IFI44L: variants seen among roughly 807,000 people sequenced by gnomAD.
IFI44L encodes interferon induced protein 44 like, also known as interferon-induced protein 44-like.
Under a neutral mutation model 39.3 loss-of-function variants are expected in IFI44L, and 40 were observed. That is an observed-to-expected ratio of 1.02 (90% confidence interval 0.79 to 1.33). IFI44L has a LOEUF of 1.33. Ranked by LOEUF, IFI44L falls within the 40% of genes most tolerant of loss-of-function variation. The probability of loss-of-function intolerance (pLI) is 0.00; values close to 1 mark genes in which losing one functional copy is unlikely to be tolerated. For synonymous variants in IFI44L, 198 were observed against 182.3 expected (o/e 1.09, Z -0.69); for missense variants, 623 against 549.0 (o/e 1.13, Z -1.35).
At chr1:78,631,123 C>T (rs1033076776) in intron 4 of IFI44L, among the ~76,000 whole-genome samples, 45 of 152,150 alleles carry the variant, frequency 3.0e-4, no homozygotes, top group Admixed American at 2.0e-4. Context: ...AGATACTGAA[C>T]TCCAATGAAA....
intron 5 of IFI44L, chr1:78,635,695 G>T: frequency 1.8e-6 from 1 of 562,728 alleles, no homozygotes; most frequent in Admixed American, 3.6e-5. Context: ...AAAGCCAAAA[G>T]GCAGGATTCT....
chr1:78,634,896 T>C (rs759829323), intron 4 of IFI44L, among the ~76,000 whole-genome samples: 3 of 151,664 alleles, frequency 2.0e-5, no homozygotes, highest in Non-Finnish European at 4.4e-5. Flanking sequence ...TACAAATATG[T>C]TTATTTTTTG....
chr1:78,621,010 G>A (rs1223211651), intron 1 of IFI44L: 4 of 152,168 alleles, frequency 2.6e-5, no homozygotes, highest in African/African-American at 9.7e-5. Context: ...CTAGCTGTGT[G>A]TGAAGAAAAA....
At chr1:78,623,314 T>C (rs1421985143) in intron 1 of IFI44L, among the ~76,000 whole-genome samples, 1 of 151,938 alleles carries the variant, frequency 6.6e-6, no homozygotes, top group Non-Finnish European at 1.5e-5. Context: ...CACTGCTGAA[T>C]ATGATGTTAA....
chr1:78,621,642 G>T (rs1652277895), intron 1 of IFI44L, among the ~76,000 whole-genome samples: 1 of 151,684 alleles, frequency 6.6e-6, no homozygotes, highest in Non-Finnish European at 1.5e-5. Context: ...ATAAATTATT[G>T]TCATAATTGT....
intron 6 of IFI44L, among the ~76,000 whole-genome samples, chr1:78,638,267 T>A (rs1192536841): frequency 1.3e-5 from 2 of 152,140 alleles, no homozygotes; most frequent in Admixed American, 1.3e-4. Context: ...CGTCTTTTGA[T>A]TATTTTCTGA....
At chr1:78,622,532 A>T (rs1470390544) in intron 1 of IFI44L, among the ~76,000 whole-genome samples, 2 of 148,674 alleles carry the variant, frequency 1.3e-5, no homozygotes, top group Non-Finnish European at 3.0e-5. Context: ...TCCCTGTCCT[A>T]TTTTTTTTTT....
At chr1:78,624,625 C>G (rs1652416188) in intron 1 of IFI44L, among the ~76,000 whole-genome samples, 1 of 152,024 alleles carries the variant, frequency 6.6e-6, no homozygotes, top group Non-Finnish European at 1.5e-5. Flanking sequence ...TTCTGTTTTC[C>G]TATTGATCTT....
chr1:78,624,170 A>G lies in IFI44L; in HGVS notation c.-11+3599A>G, dbSNP rs540437737. ...CCACACCCAATTTTTGTATTTTTGT[A>G]TTTTTGTTAGAGACGGGGCTTTTCC... On this transcript the variant is annotated intron_variant, in intron 1 of 8. Transcript: ENST00000370751. 2.0e-5 allele frequency among the ~76,000 whole-genome samples: 3 copies of G among 151,942 alleles called. No homozygotes were observed. In the East Asian group the frequency reaches 5.8e-4, roughly 30 times the overall value.
rs1652564238 is a variant in IFI44L, at chr1:78,628,063, A to T, written c.148A>T (p.Thr50Ser). The change falls in exon 2 of 9, where the codon ACT (threonine) becomes TCT (serine). Residue 50 changes from threonine to serine, a missense_variant. Coordinates refer to ENST00000370751, the MANE Select transcript of IFI44L (RefSeq NM_006820.4). ...TGAAAGATGCAGCCGTCAGGGATGT[A>T]CTATAACAATGGCTTACATTGATTA... ...MVERCSRQGCTITMAYIDYNM... is the reference protein window; with the variant it reads ...MVERCSRQGCSITMAYIDYNM... 6.2e-7 allele frequency: 1 copy of T among 1,613,130 alleles called. No homozygotes were observed. Among genetic ancestry groups the T allele is most frequent in the Non-Finnish European group, 8.5e-7 (1 of 1,179,488 alleles).
intron 6 of IFI44L, among the ~76,000 whole-genome samples, chr1:78,639,265 C>T (rs1011862927): frequency 6.6e-6 from 1 of 152,108 alleles, no homozygotes; most frequent in South Asian, 2.1e-4. Flanking sequence ...TATAAATGTC[C>T]TGGCTCCCTA....
intron 1 of IFI44L, among the ~76,000 whole-genome samples, chr1:78,623,125 T>C (rs1442505457): frequency 2.0e-5 from 3 of 152,210 alleles, no homozygotes; most frequent in South Asian, 4.1e-4. Flanking sequence ...GATAATATCA[T>C]CTGTGAGCAG....
chr1:78,621,606 G>A (rs899613112), intron 1 of IFI44L, among the ~76,000 whole-genome samples: 1 of 151,846 alleles, frequency 6.6e-6, no homozygotes, highest in Non-Finnish European at 1.5e-5. Flanking sequence ...TTTATTTCCA[G>A]AAGGCAACAT....
At chr1:78,641,712 C>T in intron 8 of IFI44L, 63 bp from the exon 9 acceptor site, 4 of 1,607,858 alleles carry the variant, frequency 2.5e-6, no homozygotes, top group Non-Finnish European at 3.4e-6. Flanking sequence ...CCTGCATGCC[C>T]TAGTCCTGAA....
chr1:78,621,504 G>A (rs897626165), intron 1 of IFI44L, among the ~76,000 whole-genome samples: 16 of 151,888 alleles, frequency 1.1e-4, no homozygotes, highest in Non-Finnish European at 2.9e-5. Context: ...ACTCCTGACC[G>A]CAAGTGATCT....
In IFI44L at chr1:78,643,160, T is replaced by TTTTTTTTTTTTG. The variant is rs1367397714; in HGVS notation, c.*1351_*1352insTTTTTTTTTTTG. The TTTTTTTTTTTTG allele has an allele frequency of 6.6e-6, 1 of 151,870 alleles. No individual in the cohort carries two copies. The highest frequency in any genetic ancestry group is 1.5e-5 in the Non-Finnish European group (1 of 67,976). The allele number at this position is 151,870 out of a possible 1,614,324, so 9.4% of individuals were successfully genotyped here. Reference sequence around the variant, plus strand: ...AGATATTAAGAAAGCAAGAGTTTCTTATGTCCAGTTATGGAATATTTCCTA... The same window carrying TTTTTTTTTTTTG: ...AGATATTAAGAAAGCAAGAGTTTCTTTTTTTTTTTTTGATGTCCAGTTATGGAATATTTCCTA... On this transcript the variant is annotated 3_prime_UTR_variant, in exon 9 of 9. Coordinates refer to ENST00000370751, the MANE Select transcript of IFI44L (RefSeq NM_006820.4).
At position 78,643,162 on chromosome 1, in the gene IFI44L, T is replaced by TTTTTTTTTTTTTTTTGAGACGGA. The variant is rs1359225810; in HGVS notation, c.*1353_*1354insTTTTTTTTTTTTTTTGAGACGGA. On this transcript the variant is annotated 3_prime_UTR_variant, in exon 9 of 9. Coordinates refer to ENST00000370751, the MANE Select transcript of IFI44L (RefSeq NM_006820.4). The stretch of plus-strand genomic sequence containing the variant: ...ATATTAAGAAAGCAAGAGTTTCTTA[T>TTTTTTTTTTTTTTTTGAGACGGA]GTCCAGTTATGGAATATTTCCTAAA... The TTTTTTTTTTTTTTTTGAGACGGA allele has an allele frequency of 6.6e-6, 1 of 151,834 alleles. No homozygotes were observed. The highest frequency in any genetic ancestry group is 1.5e-5 in the Non-Finnish European group (1 of 67,968). 9.4% of individuals were successfully genotyped at this position (151,834 alleles called of 1,614,324 possible).
At chr1:78,641,193 G>T (rs568699606) in intron 7 of IFI44L, 72 bp downstream of exon 7, 11 of 1,091,918 alleles carry the variant, frequency 1.0e-5, no homozygotes, top group South Asian at 3.8e-5. Context: ...GTTTGTGTGT[G>T]TCTGTACGTG....
At chr1:78,630,731 A>G (rs1652720229) in intron 4 of IFI44L, among the ~76,000 whole-genome samples, 1 of 152,162 alleles carries the variant, frequency 6.6e-6, no homozygotes, top group African/African-American at 2.4e-5. Flanking sequence ...TTTGTGTCAC[A>G]TTCAATAACT....
Sources: gnomAD v4.1 joint callset for allele counts (sites outside exome capture counted in the v4.1 genomes callset) on GRCh38, gnomAD v4.1.1 for gene constraint, MANE v1.5 for transcripts, NCBI Gene and HGNC (gene_info 2026-07-23, HGNC 2026-07-21) for gene names.